Variants in SPMAP2L observed in about 807,000 individuals in gnomAD.
SPMAP2L encodes the protein sperm microtubule associated protein 2 like.
At chr4:56,588,323 G>A in the SPMAP2L span, among the ~76,000 whole-genome samples, 5 of 152,030 alleles carry the variant, frequency 3.3e-5, no homozygotes, top group African/African-American at 1.2e-4. Flanking sequence ...GTTTAATTAA[G>A]TCTCAGCTAT....
At chr4:56,614,226 G>C in the SPMAP2L span, among the ~76,000 whole-genome samples, 1 of 152,194 alleles carries the variant, frequency 6.6e-6, no homozygotes, top group Non-Finnish European at 1.5e-5. Flanking sequence ...AATACTTTCA[G>C]GATAGTAACA....
chr4:56,552,771 T>C, the SPMAP2L span, among the ~76,000 whole-genome samples: 1 of 152,204 alleles, frequency 6.6e-6, no homozygotes, highest in Non-Finnish European at 1.5e-5. Flanking sequence ...CCTTGGTCAG[T>C]GGTTCTTAAA....
At chr4:56,598,324 T>G in the SPMAP2L span, among the ~76,000 whole-genome samples, 1 of 152,214 alleles carries the variant, frequency 6.6e-6, no homozygotes, top group Admixed American at 6.5e-5. Context: ...GCACCAACTA[T>G]GTGCCAGAGC....
At chr4:56,561,106 T>C in the SPMAP2L span, among the ~76,000 whole-genome samples, 2 of 152,302 alleles carry the variant, frequency 1.3e-5, no homozygotes, top group Admixed American at 6.5e-5. Context: ...ATTTACAGGC[T>C]ACAATCATTG....
chr4:56,614,699 A>T, the SPMAP2L span, among the ~76,000 whole-genome samples: 3 of 152,212 alleles, frequency 2.0e-5, no homozygotes, highest in Admixed American at 1.3e-4. Flanking sequence ...GCTTGTGAAG[A>T]TTAAGCGAGA....
chr4:56,584,071 A>G, the SPMAP2L span, among the ~76,000 whole-genome samples: 3 of 151,812 alleles, frequency 2.0e-5, no homozygotes, highest in Non-Finnish European at 4.4e-5. Flanking sequence ...GGCTCAAGTG[A>G]TCCTCCCGCC....
chr4:56,548,038 A>G, the SPMAP2L span, among the ~76,000 whole-genome samples: 1 of 152,186 alleles, frequency 6.6e-6, no homozygotes, highest in Non-Finnish European at 1.5e-5. Context: ...ACATGTAAAC[A>G]TTACTGACAC....
At chr4:56,612,004 A>C in the SPMAP2L span, among the ~76,000 whole-genome samples, 1 of 152,174 alleles carries the variant, frequency 6.6e-6, no homozygotes, top group Non-Finnish European at 1.5e-5. Flanking sequence ...AGCCAGCTCT[A>C]AATAAGTAGC....
chr4:56,595,139 A>C, the SPMAP2L span: 2 of 1,611,550 alleles, frequency 1.2e-6, no homozygotes, highest in Non-Finnish European at 1.7e-6. Context: ...GGCCTTAAAC[A>C]AGCCACGGAA....
the SPMAP2L span, among the ~76,000 whole-genome samples, chr4:56,550,858 T>C: frequency 6.6e-6 from 1 of 152,074 alleles, no homozygotes; most frequent in Non-Finnish European, 1.5e-5. Context: ...TCCCAGCTAC[T>C]CAGGAGGCTG....
At chr4:56,534,232 G>A in the SPMAP2L span, among the ~76,000 whole-genome samples, 8 of 152,100 alleles carry the variant, frequency 5.3e-5, no homozygotes, top group Non-Finnish European at 1.0e-4. Flanking sequence ...TTTTGTTGAG[G>A]TCACAATGAT....
the SPMAP2L span, among the ~76,000 whole-genome samples, chr4:56,556,331 T>C: frequency 1.3e-5 from 2 of 152,186 alleles, no homozygotes; most frequent in South Asian, 2.1e-4. Flanking sequence ...AAATGAATTA[T>C]AGAAGTCTGA....
chr4:56,591,752 A>G, the SPMAP2L span, among the ~76,000 whole-genome samples: 111,847 of 152,134 alleles, frequency 0.74, 41,830 homozygotes, highest in African/African-American at 0.88. Context: ...ATGTAATTTG[A>G]ACAAATTTCC....
At chr4:56,537,881 G>A in the SPMAP2L span, among the ~76,000 whole-genome samples, 3 of 152,022 alleles carry the variant, frequency 2.0e-5, no homozygotes, top group African/African-American at 7.2e-5. Context: ...TTTTAGTAGA[G>A]ACGGGGTTTC....
the SPMAP2L span, among the ~76,000 whole-genome samples, chr4:56,582,381 A>G: frequency 1.3e-5 from 2 of 152,152 alleles, no homozygotes; most frequent in Admixed American, 1.3e-4. Flanking sequence ...AATTTTTTAA[A>G]TCGGCAAAGG....
chr4:56,599,982 G>A, the SPMAP2L span, among the ~76,000 whole-genome samples: 1 of 151,982 alleles, frequency 6.6e-6, no homozygotes, highest in African/African-American at 2.4e-5. Flanking sequence ...ATTCAGAAAG[G>A]TGATTATTAA....
chr4:56,584,116 G>GC, the SPMAP2L span, among the ~76,000 whole-genome samples: 2 of 151,972 alleles, frequency 1.3e-5, no homozygotes, highest in Non-Finnish European at 2.9e-5. Context: ...ACAGGCACAT[G>GC]CCACCACACC....
chr4:56,567,931 T>A, the SPMAP2L span, among the ~76,000 whole-genome samples: 1 of 152,208 alleles, frequency 6.6e-6, no homozygotes, highest in African/African-American at 2.4e-5. Flanking sequence ...ATTTCAGATA[T>A]TTTTTCTGCT....
the SPMAP2L span, among the ~76,000 whole-genome samples, chr4:56,537,530 TA>T: frequency 2.6e-5 from 4 of 152,202 alleles, no homozygotes; most frequent in African/African-American, 9.6e-5. Flanking sequence ...TTACTCAAGC[TA>T]AAGAAAATCT....
Sources: allele counts gnomAD v4.1 joint callset (sites outside exome capture counted in the v4.1 genomes callset), GRCh38; gene constraint gnomAD v4.1.1; transcripts MANE v1.5; gene names NCBI Gene and HGNC (gene_info 2026-07-23, HGNC 2026-07-21).